FSD1L: variants seen among roughly 807,000 people sequenced by gnomAD.
FSD1L encodes fibronectin type III and SPRY domain containing 1 like, also known as FSD1-like protein.
A neutral mutation model predicts 71.6 loss-of-function variants in FSD1L; 45 were observed. That is an observed-to-expected ratio of 0.63 (90% CI 0.49 to 0.81). The LOEUF (loss-of-function observed/expected upper bound fraction) is 0.81, where lower values mean the gene tolerates loss of function less well. Ranked by LOEUF, FSD1L falls within the 30% of genes least tolerant of loss-of-function variation. The probability of loss-of-function intolerance (pLI) is 0.00; values close to 1 mark genes in which losing one functional copy is unlikely to be tolerated. For missense variants in FSD1L, 561 were observed against 618.1 expected (o/e 0.91, Z 0.98); for synonymous variants, 197 against 207.2 (o/e 0.95, Z 0.42).
At chr9:105,538,764 C>A (rs139659437) in intron 12 of FSD1L, among the ~76,000 whole-genome samples, 1 of 151,940 alleles carries the variant, frequency 6.6e-6, no homozygotes, top group Non-Finnish European at 1.5e-5. Flanking sequence ...AGCAAGACCC[C>A]GCCTCTGTTA....
chr9:105,450,877 A>G (rs552300941), intron 1 of FSD1L, among the ~76,000 whole-genome samples: 2 of 152,272 alleles, frequency 1.3e-5, no homozygotes, highest in South Asian at 4.1e-4. Flanking sequence ...TGCCTAGCAT[A>G]CAAAAATACT....
In FSD1L at chr9:105,503,804, A is replaced by G. The variant is rs531949891; in HGVS notation, c.587-2595A>G. Among the ~76,000 whole-genome samples, 76 of 152,358 alleles carry G rather than the reference A, an allele frequency of 5.0e-4. 1 individual carries two copies. Among genetic ancestry groups the G allele is most frequent in the African/African-American group, 1.7e-3 (72 of 41,584 alleles). On this transcript the variant is annotated intron_variant, in intron 7 of 13. Transcript: ENST00000481272. The stretch of plus-strand genomic sequence containing the variant: ...GAGTGAACTTCCCACGTTAGCTCCA[A>G]GTCAACCTAAATTTGACATACCACT...
intron 6 of FSD1L, 23 bp from the exon 7 acceptor site, chr9:105,484,358 A>G (rs1392564053): frequency 3.5e-6 from 5 of 1,431,816 alleles, no homozygotes; most frequent in Non-Finnish European, 4.6e-6. Context: ...TTATTTTAAA[A>G]AGTATGTTTG....
intron 5 of FSD1L, among the ~76,000 whole-genome samples, chr9:105,478,522 G>A (rs1381720673): frequency 6.6e-6 from 1 of 152,040 alleles, no homozygotes; most frequent in Non-Finnish European, 1.5e-5. Flanking sequence ...AACTGTACTG[G>A]TTACTGTGGA....
intron 7 of FSD1L, among the ~76,000 whole-genome samples, chr9:105,495,470 C>T (rs10991673): frequency 0.12 from 18,785 of 152,244 alleles, 1,552 homozygotes; most frequent in East Asian, 0.46. Context: ...GGCAATGCCT[C>T]GCCCTGCTTC....
chr9:105,544,858 C>A lies in FSD1L; in HGVS notation c.1468-1500C>A, dbSNP rs897642815. Among the ~76,000 whole-genome samples, 4 of 152,018 alleles carry A rather than the reference C, an allele frequency of 2.6e-5. No homozygotes were observed. In the South Asian group the frequency reaches 6.2e-4, roughly 24 times the overall value. ...TGTAGTATAGTTTGAAGTCAGGTAG[C>A]GTGATGCCTCCAGCTTTGTTCTTTT... is the stretch of plus-strand genomic sequence containing the variant. On this transcript the variant is annotated intron_variant, in intron 13 of 13. Coordinates refer to ENST00000481272, the MANE Select transcript of FSD1L (RefSeq NM_001145313.3).
At chr9:105,445,301 G>C, upstream of FSD1L, among the ~76,000 whole-genome samples, 1 of 152,180 alleles carries the variant, frequency 6.6e-6, no homozygotes, top group East Asian at 1.9e-4. Flanking sequence ...CAGAGATCAG[G>C]TGAGGGCAGA....
At chr9:105,521,232 A>T (rs1057434005) in intron 10 of FSD1L, 1 of 1,614,094 alleles carries the variant, frequency 6.2e-7, no homozygotes, top group African/African-American at 1.3e-5. Context: ...TATTCCTGGG[A>T]TGGAAGGTGA....
chr9:105,506,472 G>A lies in FSD1L; in HGVS notation c.660G>A (p.Met220Ile). Residue 220 changes from methionine to isoleucine, a missense_variant, in exon 8 of 14, where the codon ATG (methionine) becomes ATA (isoleucine). By Grantham distance (10) the Met-to-Ile change is conservative (BLOSUM62 1). Around this residue, in one of 3 missense-constraint regions of FSD1L, gnomAD observed 410 missense variants for 413.5 expected, o/e 0.99. Transcript: ENST00000481272. Reference sequence around the variant, plus strand: ...ACTCTGTAACAGTGGCTTGGAGAATGCCAGAAGAAGATAATAAGATTGACC... The same window carrying A: ...ACTCTGTAACAGTGGCTTGGAGAATACCAGAAGAAGATAATAAGATTGACC... ...ADNSVTVAWR[M>I]PEEDNKIDHF... 6.4e-7 allele frequency: 1 copy of A among 1,551,200 alleles called. No individual in the cohort carries two copies. Among genetic ancestry groups the A allele is most frequent in the Non-Finnish European group, 8.7e-7 (1 of 1,146,740 alleles).
chr9:105,448,476 C>G (rs941875611), intron 1 of FSD1L, among the ~76,000 whole-genome samples: 2 of 152,232 alleles, frequency 1.3e-5, no homozygotes, highest in Admixed American at 1.3e-4. Flanking sequence ...CTGTCCGGGG[C>G]CCTGACTCTG....
chr9:105,492,940 T>C lies in FSD1L; in HGVS notation c.586+8438T>C, dbSNP rs952734721. Among the ~76,000 whole-genome samples the C allele has an allele frequency of 3.3e-5, 5 of 152,278 alleles. No homozygotes were observed. In the East Asian group the frequency reaches 9.6e-4, roughly 29 times the overall value. On this transcript the variant is annotated intron_variant, in intron 7 of 13. Transcript: ENST00000481272. ...TCCAAGTATGTGGTCAATTTTGGAATAGGTGTGGTGTGGTGCTGAAAAAAA... is the reference window on the plus strand; with the variant it reads ...TCCAAGTATGTGGTCAATTTTGGAACAGGTGTGGTGTGGTGCTGAAAAAAA...
At chr9:105,447,652 T>C (rs1010971530), upstream of FSD1L, 12 of 158,070 alleles carry the variant, frequency 7.6e-5, no homozygotes, top group Non-Finnish European at 1.7e-4. Flanking sequence ...ACGTTTTCGC[T>C]ACATCCCCAC....
chr9:105,493,023 G>T (rs1433711218), intron 7 of FSD1L, among the ~76,000 whole-genome samples: 2 of 152,136 alleles, frequency 1.3e-5, no homozygotes, highest in Non-Finnish European at 2.9e-5. Flanking sequence ...GGTCCACTTG[G>T]TGCAGAGCTG....
rs148419742 is a variant in FSD1L, at chr9:105,528,310, C to T, written c.1026-6183C>T. Among the ~76,000 whole-genome samples, 1,405 of 150,550 alleles carry T rather than the reference C, an allele frequency of 9.3e-3. 22 individuals carry two copies. Among genetic ancestry groups the T allele is most frequent in the African/African-American group, 0.033 (1,345 of 41,352 alleles). Reference sequence around the variant, plus strand: ...AGCTACTTTAAACTTCATATGGAACCGCCCGCATAGAGAAGACAATCTTAA... The same window carrying T: ...AGCTACTTTAAACTTCATATGGAACTGCCCGCATAGAGAAGACAATCTTAA... On this transcript the variant is annotated intron_variant, in intron 10 of 13. Coordinates refer to ENST00000481272, the MANE Select transcript of FSD1L (RefSeq NM_001145313.3).
At chr9:105,478,071 C>T (rs1394215548) in intron 5 of FSD1L, among the ~76,000 whole-genome samples, 1 of 152,046 alleles carries the variant, frequency 6.6e-6, no homozygotes, top group Non-Finnish European at 1.5e-5. Flanking sequence ...GGTGAAACCC[C>T]GTCTCTAATA....
chr9:105,521,390 C>T (rs1835143134), intron 10 of FSD1L: 3 of 1,614,072 alleles, frequency 1.9e-6, no homozygotes, highest in East Asian at 2.2e-5. Context: ...GAGAACCTAG[C>T]TCATCTAGTC....
intron 6 of FSD1L, among the ~76,000 whole-genome samples, chr9:105,480,375 C>T (rs1435152946): frequency 1.3e-5 from 2 of 151,656 alleles, no homozygotes; most frequent in Non-Finnish European, 2.9e-5. Flanking sequence ...ACACTGCAAC[C>T]TCTGCCTCAT....
chr9:105,477,959 T>C (rs546652486), intron 5 of FSD1L, among the ~76,000 whole-genome samples: 23 of 152,190 alleles, frequency 1.5e-4, no homozygotes, highest in Non-Finnish European at 2.6e-4. Flanking sequence ...CTCAGTTCTG[T>C]GTTGCCTGGG....
chr9:105,443,810 T>G (rs148857870), upstream of FSD1L, among the ~76,000 whole-genome samples: 168 of 152,280 alleles, frequency 1.1e-3, 2 homozygotes, highest in East Asian at 0.031. Context: ...TGGGAAGAGA[T>G]AGCTAATATT....
Sources: allele counts gnomAD v4.1 joint callset (sites outside exome capture counted in the v4.1 genomes callset), GRCh38; gene constraint gnomAD v4.1.1; regional missense constraint gnomAD v4.1.1; transcripts MANE v1.5; gene names NCBI Gene and HGNC (gene_info 2026-07-23, HGNC 2026-07-21).